ERCC8: variants seen among roughly 807,000 people sequenced by gnomAD.
The protein encoded by ERCC8 is ERCC excision repair 8, CSA ubiquitin ligase complex subunit, also known as DNA excision repair protein ERCC-8.
A neutral mutation model predicts 54.9 loss-of-function variants in ERCC8; 52 were observed. That is an observed-to-expected ratio of 0.95 (90% CI 0.76 to 1.19). ERCC8 has a LOEUF of 1.19. Ranked by LOEUF, ERCC8 falls within the 50% of genes most tolerant of loss-of-function variation. The probability of loss-of-function intolerance (pLI) is 0.00; values close to 1 mark genes in which losing one functional copy is unlikely to be tolerated. For synonymous variants in ERCC8, 146 were observed against 157.2 expected (o/e 0.93, Z 0.53); for missense variants, 514 against 466.1 (o/e 1.10, Z -0.95).
chr5:60,897,981 A>C (rs55758463), intron 9 of ERCC8, among the ~76,000 whole-genome samples: 2 of 152,246 alleles, frequency 1.3e-5, no homozygotes, highest in East Asian at 3.9e-4. Context: ...TCATATCTTT[A>C]ATTTATATCA....
intron 1 of ERCC8, among the ~76,000 whole-genome samples, chr5:60,944,693 G>C (rs555505763): frequency 3.4e-5 from 5 of 148,902 alleles, no homozygotes; most frequent in Non-Finnish European, 7.4e-5. Context: ...CTTCACCTGA[G>C]CCCGCGGGGG....
At chr5:60,943,835 T>G (rs1219491901) in intron 1 of ERCC8, among the ~76,000 whole-genome samples, 3 of 151,982 alleles carry the variant, frequency 2.0e-5, no homozygotes, top group Admixed American at 2.0e-4. Flanking sequence ...AAAGTGATTG[T>G]GATGAAAGGC....
chr5:60,892,023 C>T (rs376022496), intron 9 of ERCC8: 1 of 525,714 alleles, frequency 1.9e-6, no homozygotes. Flanking sequence ...CTGCACATTT[C>T]TGTAAATTCT....
chr5:60,874,714 G>T, intron 11 of ERCC8, 31 bp from the exon 12 acceptor site: 2 of 1,564,278 alleles, frequency 1.3e-6, no homozygotes. Flanking sequence ...GAAAAAGGAA[G>T]ATTCTGTTTT....
intron 4 of ERCC8, among the ~76,000 whole-genome samples, chr5:60,914,396 AC>A (rs1749363818): frequency 6.6e-6 from 1 of 151,506 alleles, no homozygotes; most frequent in Non-Finnish European, 1.5e-5. Flanking sequence ...TTTATCAGAG[AC>A]CAGGATTGCA....
chr5:60,905,346 C>CAAAAA (rs1749041193), intron 4 of ERCC8, among the ~76,000 whole-genome samples: 1 of 152,192 alleles, frequency 6.6e-6, no homozygotes, highest in African/African-American at 2.4e-5. Context: ...CAAATACTCT[C>CAAAAA]AAGAAATCTG....
intron 11 of ERCC8, among the ~76,000 whole-genome samples, chr5:60,886,249 T>C (rs1748386853): frequency 6.6e-6 from 1 of 152,156 alleles, no homozygotes; most frequent in Admixed American, 6.5e-5. Flanking sequence ...GCTATTACTT[T>C]AGGTCAGGGA....
chr5:60,892,945 T>C, intron 9 of ERCC8: 1 of 756,196 alleles, frequency 1.3e-6, no homozygotes, highest in Non-Finnish European at 2.5e-6. Flanking sequence ...CAGCAATAGT[T>C]CCCCAGAACC....
chr5:60,883,652 T>C (rs374721303), intron 11 of ERCC8, among the ~76,000 whole-genome samples: 8 of 152,234 alleles, frequency 5.3e-5, no homozygotes, highest in African/African-American at 1.9e-4. Flanking sequence ...CAGCAAGTGA[T>C]TATACATTGA....
Position 60,903,690 on chromosome 5 carries a change from G to C in ERCC8, c.508C>G (p.Leu170Val). 1 of 1,612,684 alleles carries C rather than the reference G, an allele frequency of 6.2e-7. No individual in the cohort carries two copies. Among genetic ancestry groups the C allele is most frequent in the East Asian group, 2.2e-5 (1 of 44,752 alleles). The stretch of plus-strand genomic sequence containing the variant: ...CAGGATCCAGACTTCAAGTCACAAA[G>C]TTGTACTTTGGGTCCTCTAGTACCA... ...AVGTRGPKVQ[L>V]CDLKSGSCSH... is the part of the protein sequence containing the mutation. Residue 170 changes from leucine to valine, a missense_variant, in exon 6 of 12, where the codon CTT becomes GTT. Physicochemically the swap from Leu to Val is conservative, Grantham distance 32. Coordinates refer to ENST00000676185, the MANE Select transcript of ERCC8 (RefSeq NM_000082.4).
At chr5:60,914,280 TG>T (rs1749360180) in intron 4 of ERCC8, among the ~76,000 whole-genome samples, 1 of 152,232 alleles carries the variant, frequency 6.6e-6, no homozygotes, top group African/African-American at 2.4e-5. Flanking sequence ...GCTCCTCTAT[TG>T]GGTGCATATA....
intron 11 of ERCC8, among the ~76,000 whole-genome samples, chr5:60,882,666 C>CCT (rs1748271841): frequency 3.9e-5 from 6 of 152,100 alleles, no homozygotes; most frequent in African/African-American, 1.4e-4. Context: ...GGATTACAGG[C>CCT]GTGAGCCACC....
chr5:60,938,711 T>A lies in ERCC8; in HGVS notation c.77+6221A>T, dbSNP rs529915268. On this transcript the variant is annotated intron_variant, in intron 1 of 11. Coordinates refer to ENST00000676185, the MANE Select transcript of ERCC8 (RefSeq NM_000082.4). ...CAATTTTGGTAAATGTACCACTGAC[T>A]TACAAAAAGTATGTACGTTCTCCAC... is the stretch of plus-strand genomic sequence containing the variant. Among the ~76,000 whole-genome samples the A allele has an allele frequency of 2.1e-4, 32 of 152,344 alleles. No individual in the cohort carries two copies. In the South Asian group the frequency reaches 6.6e-3, roughly 32 times the overall value.
intron 1 of ERCC8, among the ~76,000 whole-genome samples, chr5:60,943,927 G>A (rs1388744219): frequency 2.6e-5 from 4 of 152,190 alleles, no homozygotes; most frequent in African/African-American, 9.7e-5. Flanking sequence ...CATTGAAAAC[G>A]TAATGGATAA....
Position 60,898,388 on chromosome 5 carries a change from T to C in ERCC8, c.731A>G (p.His244Arg). 1.2e-6 allele frequency: 2 copies of C among 1,613,586 alleles called. No individual in the cohort carries two copies. Among genetic ancestry groups the C allele is most frequent in the Non-Finnish European group, 1.7e-6 (2 of 1,179,618 alleles). The part of the protein sequence containing the change: ...SQAVESANTA[H>R]NGKVNGLCFT... ...ACATAAGCCATTAACTTTCCCATTA[T>C]GAGCAGTGTTTGCTGCAATGAAAAA... The change falls in exon 9 of 12, where the codon CAT becomes CGT. Residue 244 changes from histidine (H) to arginine (R), a missense_variant. Transcript: ENST00000676185.
chr5:60,906,420 A>T (rs62372134), intron 4 of ERCC8, among the ~76,000 whole-genome samples: 58,694 of 151,520 alleles, frequency 0.39, 12,338 homozygotes, highest in East Asian at 0.8. Flanking sequence ...GTTTTGGAGA[A>T]GGGCTATTAT....
At chr5:60,891,955 T>C (rs1748575256) in intron 9 of ERCC8, 2 of 526,768 alleles carry the variant, frequency 3.8e-6, no homozygotes, top group African/African-American at 1.9e-5. Context: ...GCCATCAGCA[T>C]TGCCAGAGAG....
At chr5:60,893,528 C>A (rs1010532504) in intron 9 of ERCC8, 1 of 759,214 alleles carries the variant, frequency 1.3e-6, no homozygotes, top group Admixed American at 2.0e-5. Flanking sequence ...CTTCTTACAG[C>A]CCTTGGAAAC....
chr5:60,902,356 TA>T, intron 7 of ERCC8, 85 bp downstream of exon 7: 1 of 1,001,852 alleles, frequency 1.0e-6, no homozygotes, highest in Non-Finnish European at 1.5e-6. Context: ...TTAAATATGC[TA>T]AAATATATAC....
Sources: gnomAD v4.1 joint callset for allele counts (sites outside exome capture counted in the v4.1 genomes callset) on GRCh38, gnomAD v4.1.1 for gene constraint, MANE v1.5 for transcripts, NCBI Gene and HGNC (gene_info 2026-07-23, HGNC 2026-07-21) for gene names.